The following CRACD variants were observed in gnomAD, a reference collection of about 807,000 sequenced individuals.
CRACD encodes capping protein-inhibiting regulator of actin dynamics.
CRACD carries 56 observed loss-of-function variants against 106.8 expected under a neutral mutation model. That is an observed-to-expected ratio of 0.52 (90% CI 0.42 to 0.66). The LOEUF (loss-of-function observed/expected upper bound fraction) is 0.66. Among genes scored for constraint, CRACD ranks in the 30% least tolerant of loss-of-function variants. The pLI, the probability that CRACD is intolerant of heterozygous loss-of-function variation, is 0.00. For synonymous variants in CRACD, 754 were observed against 670.8 expected (o/e 1.12, Z -1.92); for missense variants, 1,730 against 1,623.2 (o/e 1.07, Z -1.13).
chr4:56,173,003 G>A (rs546557927), intron 1 of CRACD, among the ~76,000 whole-genome samples: 48 of 152,216 alleles, frequency 3.2e-4, no homozygotes, highest in Non-Finnish European at 5.4e-4. Flanking sequence ...TGATCCGCCC[G>A]CCTCGGCCTC....
At chr4:56,206,848 T>G (rs1738145449) in intron 2 of CRACD, among the ~76,000 whole-genome samples, 1 of 152,202 alleles carries the variant, frequency 6.6e-6, no homozygotes, top group Admixed American at 6.5e-5. Context: ...AGCACATCAT[T>G]CATAAGTTAC....
chr4:56,072,674 T>A (rs1462468781), intron 1 of CRACD, among the ~76,000 whole-genome samples: 1 of 152,160 alleles, frequency 6.6e-6, no homozygotes, highest in Non-Finnish European at 1.5e-5. Context: ...GTTACATAGG[T>A]ATACATGTGC....
chr4:56,192,179 G>A (rs1737402519), intron 2 of CRACD, among the ~76,000 whole-genome samples: 1 of 152,116 alleles, frequency 6.6e-6, no homozygotes, highest in Admixed American at 6.5e-5. Context: ...ATCACCTGCG[G>A]TCAGGAGTTC....
chr4:56,199,933 A>G (rs150776681), intron 2 of CRACD, among the ~76,000 whole-genome samples: 209 of 152,188 alleles, frequency 1.4e-3, no homozygotes, highest in African/African-American at 4.9e-3. Flanking sequence ...AGACGATAAC[A>G]TAGAAATATT....
intron 2 of CRACD, among the ~76,000 whole-genome samples, chr4:56,245,471 T>G (rs75578227): frequency 0.027 from 4,131 of 152,278 alleles, 184 homozygotes; most frequent in African/African-American, 0.094. Context: ...TGTTTACTGG[T>G]TTTCTGAACT....
rs763430050 is a variant in CRACD, at chr4:56,314,093, C to T, written c.591C>T (p.Asn197=). The change falls in exon 8 of 11, where the codon AAC becomes AAT. Residue 197 remains asparagine, a synonymous_variant. Transcript: ENST00000682029. The surrounding 1 kb of genome is among the most constrained non-coding windows in gnomAD (Gnocchi z 4.4). ...GLESRPCLDQ[N]GHPGEDKPTW... Reference sequence around the variant, plus strand: ...AGAGTCGGCCCTGCCTGGACCAGAACGGACACCCAGGCGAGGACAAGCCAA... The same window carrying T: ...AGAGTCGGCCCTGCCTGGACCAGAATGGACACCCAGGCGAGGACAAGCCAA... The T allele has an allele frequency of 2.5e-6, 4 of 1,614,134 alleles. No homozygotes were observed. The highest frequency in any genetic ancestry group is 3.4e-6 in the Non-Finnish European group (4 of 1,180,022).
intron 2 of CRACD, among the ~76,000 whole-genome samples, chr4:56,243,907 C>T (rs959962743): frequency 1.3e-5 from 2 of 152,102 alleles, no homozygotes; most frequent in Non-Finnish European, 2.9e-5. Context: ...TTAACCATCC[C>T]CCTCTCCCTC....
At chr4:56,297,341 G>A (rs996847374) in intron 3 of CRACD, among the ~76,000 whole-genome samples, 3 of 152,192 alleles carry the variant, frequency 2.0e-5, no homozygotes, top group Non-Finnish European at 4.4e-5. Context: ...GCTGGGCTTA[G>A]TGGCTCATGC....
chr4:56,315,435 G>A lies in CRACD; in HGVS notation c.1933G>A (p.Ala645Thr). ...GENPPRGPGD[A>T]RAGSGKAKPR... ...GAACCCTCCCCGAGGCCCCGGCGAC[G>A]CGAGGGCGGGCAGCGGGAAGGCTAA... The change falls in exon 8 of 11, where the codon GCG (alanine) becomes ACG (threonine). Residue 645 changes from alanine to threonine, a missense_variant. By Grantham distance (58) the Ala-to-Thr change is moderately conservative. Coordinates refer to ENST00000682029, the MANE Select transcript of CRACD (RefSeq NM_001393381.1). This position sits in a 1 kb window ranked among gnomAD's most constrained non-coding sequence, Gnocchi z 4.1. 1 of 1,612,760 alleles carries A rather than the reference G, an allele frequency of 6.2e-7. No homozygotes were observed. The highest frequency in any genetic ancestry group is 1.7e-5 in the Admixed American group (1 of 59,982).
intron 8 of CRACD, among the ~76,000 whole-genome samples, chr4:56,320,365 G>A (rs1213097961): frequency 6.6e-6 from 1 of 152,126 alleles, no homozygotes; most frequent in African/African-American, 2.4e-5. Flanking sequence ...TTTAGAATGA[G>A]AGAGAATGGG....
intron 2 of CRACD, among the ~76,000 whole-genome samples, chr4:56,200,307 A>G (rs1737818868): frequency 6.6e-6 from 1 of 152,168 alleles, no homozygotes; most frequent in African/African-American, 2.4e-5. Flanking sequence ...AACACAATGA[A>G]ATCTTCACTA....
intron 1 of CRACD, among the ~76,000 whole-genome samples, chr4:56,096,930 T>G (rs1733618054): frequency 6.6e-6 from 1 of 152,232 alleles, no homozygotes; most frequent in South Asian, 2.1e-4. Context: ...AGTTATTTTT[T>G]TAAAGATGGA....
intron 1 of CRACD, among the ~76,000 whole-genome samples, chr4:56,107,663 C>T (rs1351363967): frequency 6.6e-6 from 1 of 152,200 alleles, no homozygotes; most frequent in Admixed American, 6.5e-5. Context: ...AGAGCTGCTT[C>T]TTCAGATCAT....
In CRACD at chr4:56,314,651, C is replaced by T; in HGVS notation, c.1149C>T (p.Pro383=). ...EQQEAEVQGP[P]EALEETGEGR... Reference sequence around the variant, plus strand: ...AGGAGGCGGAGGTGCAGGGGCCGCCCGAGGCGTTGGAGGAGACTGGGGAGG... The same window carrying T: ...AGGAGGCGGAGGTGCAGGGGCCGCCTGAGGCGTTGGAGGAGACTGGGGAGG... Residue 383 remains proline, a synonymous_variant, in exon 8 of 11, where the codon CCC becomes CCT. Transcript: ENST00000682029. The surrounding 1 kb of genome is among the most constrained non-coding windows in gnomAD (Gnocchi z 4.4). The T allele has an allele frequency of 8.4e-6, 13 of 1,543,574 alleles. No individual in the cohort carries two copies. Among genetic ancestry groups the T allele is most frequent in the Non-Finnish European group, 1.1e-5 (13 of 1,143,386 alleles).
chr4:56,323,843 A>C (rs967765249), intron 9 of CRACD, among the ~76,000 whole-genome samples: 1 of 152,248 alleles, frequency 6.6e-6, no homozygotes, highest in African/African-American at 2.4e-5. Context: ...AACATTTTGC[A>C]AGGAAACTGT....
chr4:56,187,869 A>T (rs1737152523), intron 2 of CRACD, among the ~76,000 whole-genome samples: 1 of 152,124 alleles, frequency 6.6e-6, no homozygotes, highest in Admixed American at 6.6e-5. Flanking sequence ...CACCAAACAG[A>T]AAGCTAAAGT....
rs201675126 is a variant in CRACD at position 56,199,266 on chromosome 4, A to G, written c.-189+19836A>G. On this transcript the variant is annotated intron_variant, in intron 2 of 10. Coordinates refer to ENST00000682029, the MANE Select transcript of CRACD (RefSeq NM_001393381.1). ...GTAGAAGTGCTGAAATGTTGTGGCA[A>G]ATATTGTATAAAGCAGGCCACTAGC... 3.9e-5 allele frequency among the ~76,000 whole-genome samples: 6 copies of G among 152,224 alleles called. No individual in the cohort carries two copies. In the East Asian group the frequency reaches 1.2e-3, roughly 29 times the overall value.
intron 2 of CRACD, among the ~76,000 whole-genome samples, chr4:56,205,102 G>A (rs1006897725): frequency 6.6e-6 from 1 of 152,136 alleles, no homozygotes; most frequent in Admixed American, 6.5e-5. Flanking sequence ...GCTGCAATGA[G>A]CTATGATCAC....
At chr4:56,177,002 A>G (rs1736611408) in intron 1 of CRACD, among the ~76,000 whole-genome samples, 1 of 152,194 alleles carries the variant, frequency 6.6e-6, no homozygotes, top group Non-Finnish European at 1.5e-5. Context: ...TGTCATCTGC[A>G]AACAAGTACA....
Sources: gnomAD v4.1 joint callset for allele counts (sites outside exome capture counted in the v4.1 genomes callset) on GRCh38, gnomAD v4.1.1 for gene constraint, Gnocchi (gnomAD v3.1) non-coding constraint, MANE v1.5 for transcripts, NCBI Gene and HGNC (gene_info 2026-07-23, HGNC 2026-07-21) for gene names.